The following NALF1 variants were observed in gnomAD, a reference collection of about 807,000 sequenced individuals.
NALF1 encodes the protein family with sequence similarity 155 member A.
Under a neutral mutation model 48.4 loss-of-function variants are expected in NALF1, and 3 were observed. The observed-to-expected ratio is 0.06, with a 90% CI of 0.03 to 0.16. The LOEUF (loss-of-function observed/expected upper bound fraction) is 0.16. NALF1 is among the 10% of genes least tolerant of loss of function. The pLI is 1.00. For synonymous variants in NALF1, 262 were observed against 245.7 expected (o/e 1.07, Z -0.62); for missense variants, 526 against 571.5 (o/e 0.92, Z 0.81).
At chr13:107,415,651 T>C (rs2139004382) in intron 1 of NALF1, among the ~76,000 whole-genome samples, 1 of 152,324 alleles carries the variant, frequency 6.6e-6, no homozygotes, top group East Asian at 1.9e-4. Context: ...TCTGAATATG[T>C]GGAGAATTGT....
intron 2 of NALF1, among the ~76,000 whole-genome samples, chr13:107,209,261 T>A (rs528534484): frequency 6.6e-6 from 1 of 152,196 alleles, no homozygotes; most frequent in East Asian, 1.9e-4. Context: ...ATTCCAACAC[T>A]TTTGGGAGGC....
At position 107,631,341 on chromosome 13, in the gene NALF1, T is replaced by G. The variant is rs550883214; in HGVS notation, c.915+234341A>C. Among the ~76,000 whole-genome samples the G allele has an allele frequency of 3.3e-5, 5 of 152,262 alleles. No homozygotes were observed. In the South Asian group the frequency reaches 1.0e-3, roughly 32 times the overall value. Reference sequence around the variant, plus strand: ...CACATGCCTTCCGACTGTGTAGGGGTGGCTCCCATTATTTTACAAATGAGG... The same window carrying G: ...CACATGCCTTCCGACTGTGTAGGGGGGGCTCCCATTATTTTACAAATGAGG... On this transcript the variant is annotated intron_variant, in intron 1 of 2. Coordinates refer to ENST00000375915, the MANE Select transcript of NALF1 (RefSeq NM_001080396.3).
intron 1 of NALF1, among the ~76,000 whole-genome samples, chr13:107,820,343 C>T (rs1376930070): frequency 2.0e-5 from 3 of 152,138 alleles, no homozygotes; most frequent in South Asian, 4.1e-4. Context: ...TATATTTTCA[C>T]GAGCATGACT....
chr13:107,812,116 A>G (rs1879013405), intron 1 of NALF1, among the ~76,000 whole-genome samples: 4 of 152,150 alleles, frequency 2.6e-5, no homozygotes, highest in Admixed American at 2.0e-4. Flanking sequence ...TTTAAAATTG[A>G]TCAAATCTTA....
chr13:107,357,906 G>C (rs1338172009), intron 1 of NALF1, among the ~76,000 whole-genome samples: 1 of 152,110 alleles, frequency 6.6e-6, no homozygotes, highest in African/African-American at 2.4e-5. Context: ...TCATTGCGAG[G>C]CTCTCCATGG....
intron 1 of NALF1, among the ~76,000 whole-genome samples, chr13:107,403,796 T>C (rs1340418555): frequency 2.0e-5 from 3 of 151,896 alleles, no homozygotes; most frequent in Non-Finnish European, 4.4e-5. Flanking sequence ...TAGTTTTTTA[T>C]CTGAACAAGC....
At chr13:107,738,433 C>A (rs1039068867) in intron 1 of NALF1, among the ~76,000 whole-genome samples, 2 of 152,112 alleles carry the variant, frequency 1.3e-5, no homozygotes, top group Admixed American at 1.3e-4. Flanking sequence ...CTGGACTTCA[C>A]AAAATAACCC....
intron 1 of NALF1, among the ~76,000 whole-genome samples, chr13:107,495,432 T>G (rs1875297724): frequency 6.6e-6 from 1 of 152,174 alleles, no homozygotes; most frequent in Non-Finnish European, 1.5e-5. Context: ...TCTTGTCCAA[T>G]GCCAAATAGA....
chr13:107,341,783 T>C (rs1439731943), intron 1 of NALF1, among the ~76,000 whole-genome samples: 1 of 151,636 alleles, frequency 6.6e-6, no homozygotes, highest in Non-Finnish European at 1.5e-5. Flanking sequence ...TATATATACA[T>C]ATTTATAGGC....
At chr13:107,561,554 C>T (rs755892167) in intron 1 of NALF1, among the ~76,000 whole-genome samples, 85 of 152,160 alleles carry the variant, frequency 5.6e-4, no homozygotes, top group Non-Finnish European at 1.0e-3. Context: ...GCCAAGGTGA[C>T]GTGTGAGATT....
intron 1 of NALF1, among the ~76,000 whole-genome samples, chr13:107,635,256 C>A (rs1042647034): frequency 2.6e-5 from 4 of 152,046 alleles, no homozygotes; most frequent in African/African-American, 9.7e-5. Context: ...GTTTAATTTA[C>A]TCACAGTTCC....
At chr13:107,245,719 T>C (rs1236342162) in intron 1 of NALF1, among the ~76,000 whole-genome samples, 1 of 152,184 alleles carries the variant, frequency 6.6e-6, no homozygotes, top group East Asian at 1.9e-4. Context: ...TTTTCCAAAA[T>C]AACTTTCTTT....
chr13:107,442,621 AT>A, intron 1 of NALF1, among the ~76,000 whole-genome samples: 1 of 152,332 alleles, frequency 6.6e-6, no homozygotes, highest in Non-Finnish European at 1.5e-5. Flanking sequence ...GTCTCTTGAT[AT>A]TTAACCACAA....
intron 1 of NALF1, among the ~76,000 whole-genome samples, chr13:107,388,294 C>T (rs1465468313): frequency 6.6e-6 from 1 of 152,148 alleles, no homozygotes; most frequent in African/African-American, 2.4e-5. Flanking sequence ...TGTCTACTGA[C>T]CAGGGTACTG....
intron 1 of NALF1, among the ~76,000 whole-genome samples, chr13:107,349,524 C>T (rs182561748): frequency 9.2e-5 from 14 of 152,076 alleles, no homozygotes; most frequent in Admixed American, 2.6e-4. Flanking sequence ...AGGTGGATCA[C>T]GAGGTCAGGA....
intron 1 of NALF1, among the ~76,000 whole-genome samples, chr13:107,795,844 T>C (rs1422795985): frequency 6.6e-6 from 1 of 152,204 alleles, no homozygotes. Context: ...AGTAGCATTG[T>C]GTTATGCCAA....
At chr13:107,330,667 T>C (rs1174986802) in intron 1 of NALF1, among the ~76,000 whole-genome samples, 2 of 152,356 alleles carry the variant, frequency 1.3e-5, no homozygotes, top group South Asian at 2.1e-4. Flanking sequence ...CGGGGCTGTG[T>C]CACCATAGTT....
chr13:107,469,836 C>T (rs1242318816), intron 1 of NALF1, among the ~76,000 whole-genome samples: 1 of 149,168 alleles, frequency 6.7e-6, no homozygotes, highest in Non-Finnish European at 1.5e-5. Flanking sequence ...CTCCACCTCC[C>T]AGGTTCATGC....
intron 1 of NALF1, among the ~76,000 whole-genome samples, chr13:107,705,562 A>T (rs1326113643): frequency 6.6e-6 from 1 of 152,090 alleles, no homozygotes; most frequent in African/African-American, 2.4e-5. Context: ...ATGCTTACAC[A>T]GTGATGCATA....
Sources: gnomAD v4.1 joint callset for allele counts (sites outside exome capture counted in the v4.1 genomes callset) on GRCh38, gnomAD v4.1.1 for gene constraint, MANE v1.5 for transcripts, NCBI Gene and HGNC (gene_info 2026-07-23, HGNC 2026-07-21) for gene names.